PTPN12: variants seen among roughly 807,000 people sequenced by gnomAD.
PTPN12 encodes the protein tyrosine-protein phosphatase non-receptor type 12.
A neutral mutation model predicts 97.6 loss-of-function variants in PTPN12; 29 were observed. The observed-to-expected ratio is 0.30, with a 90% CI of 0.22 to 0.41. The LOEUF is 0.41. Among genes scored for constraint, PTPN12 ranks in the 10% least tolerant of loss-of-function variants. The pLI is 1.00. For synonymous variants in PTPN12, 327 were observed against 300.4 expected (o/e 1.09, Z -0.91); for missense variants, 819 against 926.0 (o/e 0.88, Z 1.50).
chr7:77,625,253 GTT>G (rs141984662), intron 12 of PTPN12, among the ~76,000 whole-genome samples: 12 of 139,292 alleles, frequency 8.6e-5, no homozygotes, highest in Admixed American at 1.5e-4. Context: ...TTCTTCTTTG[GTT>G]TTTTTTTTTT....
At chr7:77,576,433 C>T (rs918147614) in intron 2 of PTPN12, among the ~76,000 whole-genome samples, 2 of 152,072 alleles carry the variant, frequency 1.3e-5, no homozygotes, top group African/African-American at 4.8e-5. Context: ...GGCGAGGTGA[C>T]TCATGTCTGT....
intron 8 of PTPN12, among the ~76,000 whole-genome samples, chr7:77,601,764 G>T (rs1479239761): frequency 6.6e-6 from 1 of 152,102 alleles, no homozygotes; most frequent in East Asian, 1.9e-4. Context: ...GGGAACATCA[G>T]TTTCCACGTT....
At chr7:77,633,131 G>A (rs1013194354) in intron 14 of PTPN12, among the ~76,000 whole-genome samples, 6 of 151,978 alleles carry the variant, frequency 3.9e-5, no homozygotes, top group African/African-American at 7.3e-5. Flanking sequence ...TTAGCCAGGC[G>A]TGGTGGCGCA....
chr7:77,610,237 T>C lies in PTPN12; in HGVS notation c.763-528T>C, dbSNP rs535576774. 2.6e-5 allele frequency among the ~76,000 whole-genome samples: 4 copies of C among 152,324 alleles called. No individual in the cohort carries two copies. In the East Asian group the frequency reaches 7.7e-4, roughly 29 times the overall value. On this transcript the variant is annotated intron_variant, in intron 9 of 17. Coordinates refer to ENST00000248594, the MANE Select transcript of PTPN12 (RefSeq NM_002835.4). ...TTTACCTAGGTCTTTTAGCTGGTCC[T>C]TATATAGCCAATCCAGGAGATACTG...
intron 5 of PTPN12, among the ~76,000 whole-genome samples, chr7:77,590,616 A>G (rs1361764611): frequency 6.7e-6 from 1 of 150,332 alleles, no homozygotes; most frequent in African/African-American, 2.5e-5. Context: ...GCTTGAGTGC[A>G]GTGGCACAAT....
At chr7:77,609,420 C>T (rs1335572597) in intron 9 of PTPN12, among the ~76,000 whole-genome samples, 6 of 150,990 alleles carry the variant, frequency 4.0e-5, no homozygotes, top group African/African-American at 1.2e-4. Context: ...TACATGCACG[C>T]GGCACCATGC....
chr7:77,578,844 G>A (rs1330105839), intron 2 of PTPN12, among the ~76,000 whole-genome samples: 2 of 152,112 alleles, frequency 1.3e-5, no homozygotes, highest in Non-Finnish European at 2.9e-5. Flanking sequence ...TTCATAATCT[G>A]AAAGCGTCTA....
intron 12 of PTPN12, among the ~76,000 whole-genome samples, chr7:77,619,683 G>C (rs970189883): frequency 6.6e-6 from 1 of 152,172 alleles, no homozygotes; most frequent in African/African-American, 2.4e-5. Flanking sequence ...CTTCATTGTA[G>C]TGAGAGTACT....
intron 16 of PTPN12, among the ~76,000 whole-genome samples, chr7:77,637,737 A>G (rs1407446769): frequency 2.7e-5 from 4 of 150,450 alleles, no homozygotes. Context: ...TCTGCCTGTA[A>G]TCCCAGCTAC....
At position 77,577,108 on chromosome 7, in the gene PTPN12, A is replaced by T. The variant is rs569902164; in HGVS notation, c.209-4319A>T. Among the ~76,000 whole-genome samples, 3 of 152,300 alleles carry T rather than the reference A, an allele frequency of 2.0e-5. No individual in the cohort carries two copies. In the South Asian group the frequency reaches 6.2e-4, roughly 32 times the overall value. ...TTCCAGCCCACCCCTTCTTTGCTCT[A>T]TGGTCAAGTGAGTGAGAACAGGCGG... On this transcript the variant is annotated intron_variant, in intron 2 of 17. Transcript: ENST00000248594.
At chr7:77,636,831 C>A in intron 15 of PTPN12, 187 bp from the exon 16 acceptor site, 1 of 475,270 alleles carries the variant, frequency 2.1e-6, no homozygotes, top group Non-Finnish European at 3.7e-6. Context: ...AACATTTACT[C>A]CAAGGAGAAA....
At chr7:77,636,201 C>T (rs1237426137) in intron 15 of PTPN12, among the ~76,000 whole-genome samples, 1 of 152,072 alleles carries the variant, frequency 6.6e-6, no homozygotes, top group African/African-American at 2.4e-5. Flanking sequence ...AGATGCTTCC[C>T]ATTATAACAC....
chr7:77,564,435 AATTT>A (rs1808138972), intron 1 of PTPN12, among the ~76,000 whole-genome samples: 1 of 152,150 alleles, frequency 6.6e-6, no homozygotes, highest in East Asian at 1.9e-4. Context: ...AAGCCAGATG[AATTT>A]ATTTATTTAA....
At position 77,635,819 on chromosome 7, in the gene PTPN12, T is replaced by A. The variant is rs774347812; in HGVS notation, c.2112T>A (p.Ser704Arg). Reference protein sequence around the residue: ...PVRSEWSELQSQERSEQKKSE... With the variant: ...PVRSEWSELQRQERSEQKKSE... ...GATCGGAATGGAGTGAACTTCAAAG[T>A]CAGGAACGATCTGAACAAAAAAAGT... Residue 704 changes from serine (S) to arginine (R), a missense_variant, in exon 15 of 18, where the codon AGT (serine) becomes AGA (arginine). Transcript: ENST00000248594. 5 of 1,608,060 alleles carry A rather than the reference T, an allele frequency of 3.1e-6. No homozygotes were observed. The Admixed American group carries it at 8.5e-5, about 27-fold the overall frequency.
At chr7:77,542,647 G>A (rs949562592) in intron 1 of PTPN12, among the ~76,000 whole-genome samples, 3 of 152,098 alleles carry the variant, frequency 2.0e-5, no homozygotes, top group Non-Finnish European at 4.4e-5. Flanking sequence ...GTTATGACTC[G>A]CAAAATATCT....
intron 12 of PTPN12, among the ~76,000 whole-genome samples, chr7:77,623,517 C>T (rs1789018848): frequency 6.6e-6 from 1 of 152,180 alleles, no homozygotes; most frequent in Non-Finnish European, 1.5e-5. Context: ...TTAAGACCAG[C>T]CTGGCCAACA....
chr7:77,588,410 GTTGA>G (rs760038910), intron 5 of PTPN12, among the ~76,000 whole-genome samples: 35 of 152,164 alleles, frequency 2.3e-4, no homozygotes, highest in Non-Finnish European at 3.5e-4. Context: ...CACAACATCT[GTTGA>G]TTAAGTTTGC....
chr7:77,552,778 T>C (rs1036014017), intron 1 of PTPN12, among the ~76,000 whole-genome samples: 1 of 152,216 alleles, frequency 6.6e-6, no homozygotes, highest in Non-Finnish European at 1.5e-5. Flanking sequence ...ACAACAGTTA[T>C]ATAGGTATTA....
chr7:77,569,945 G>A (rs946887290), intron 1 of PTPN12, among the ~76,000 whole-genome samples: 14 of 152,154 alleles, frequency 9.2e-5, no homozygotes, highest in African/African-American at 3.4e-4. Context: ...CAAAGTGCTA[G>A]GATTACAAGT....
Sources: gnomAD v4.1 joint callset for allele counts (sites outside exome capture counted in the v4.1 genomes callset) on GRCh38, gnomAD v4.1.1 for gene constraint, MANE v1.5 for transcripts, NCBI Gene and HGNC (gene_info 2026-07-23, HGNC 2026-07-21) for gene names.